The following PCDH15 variants were observed in gnomAD, a reference collection of about 807,000 sequenced individuals.
PCDH15 encodes protocadherin-15.
PCDH15 carries 129 observed loss-of-function variants against 178.5 expected under a neutral mutation model. The observed-to-expected ratio is 0.72, with a 90% CI of 0.63 to 0.84. The LOEUF (loss-of-function observed/expected upper bound fraction) is 0.84. Ranked by LOEUF, PCDH15 falls within the 40% of genes least tolerant of loss-of-function variation. The pLI, the probability that PCDH15 is intolerant of heterozygous loss-of-function variation, is 0.00. For missense variants in PCDH15, 2,230 were observed against 2,099.9 expected (o/e 1.06, Z -1.21); for synonymous variants, 800 against 732.0 (o/e 1.09, Z -1.50).
At chr10:55,494,097 G>A (rs1354265220) in intron 2 of PCDH15, among the ~76,000 whole-genome samples, 2 of 151,324 alleles carry the variant, frequency 1.3e-5, no homozygotes, top group East Asian at 1.9e-4. Flanking sequence ...ATAATCTGCT[G>A]TTGGATAAAA....
At chr10:54,396,627 G>A (rs1355050651) in intron 3 of PCDH15, among the ~76,000 whole-genome samples, 4 of 151,982 alleles carry the variant, frequency 2.6e-5, no homozygotes, top group Non-Finnish European at 5.9e-5. Context: ...TTAAAAATCA[G>A]TCTCTGTGTT....
At chr10:53,950,859 A>G (rs1283430276) in intron 23 of PCDH15, among the ~76,000 whole-genome samples, 1 of 152,234 alleles carries the variant, frequency 6.6e-6, no homozygotes, top group Admixed American at 6.5e-5. Flanking sequence ...TCTAAAATAT[A>G]TAAAGAGATA....
intron 27 of PCDH15, among the ~76,000 whole-genome samples, chr10:53,860,659 A>T (rs1208975516): frequency 7.0e-6 from 1 of 143,052 alleles, no homozygotes; most frequent in Non-Finnish European, 1.5e-5. Flanking sequence ...TGAACCTGGG[A>T]GGCAGAGGTT....
chr10:54,415,820 G>A (rs117805897), intron 3 of PCDH15, among the ~76,000 whole-genome samples: 1 of 151,998 alleles, frequency 6.6e-6, no homozygotes, highest in Non-Finnish European at 1.5e-5. Flanking sequence ...GGGAAATGTT[G>A]TATGATCTCG....
rs930471460 is a variant in PCDH15, at chr10:54,713,443, C to T, written c.-28-49153G>A. 5.3e-5 allele frequency among the ~76,000 whole-genome samples: 8 copies of T among 152,024 alleles called. No individual in the cohort carries two copies. The South Asian group carries it at 8.3e-4, about 16-fold the overall frequency. ...AATATTCTACCTTTCATAGTAGCAC[C>T]GTAGTGTTGTTCAAATTGCAGCTTT... is the stretch of plus-strand genomic sequence containing the variant. On this transcript the variant is annotated intron_variant, in intron 1 of 37. Coordinates refer to ENST00000644397, the MANE Select transcript of PCDH15 (RefSeq NM_001384140.1).
chr10:54,971,832 A>C (rs1334237377), intron 2 of PCDH15, among the ~76,000 whole-genome samples: 4 of 152,232 alleles, frequency 2.6e-5, no homozygotes, highest in Admixed American at 2.6e-4. Flanking sequence ...TCAAGTTTTC[A>C]GTTTAGTATA....
chr10:53,995,610 C>T, intron 21 of PCDH15, 39 bp downstream of exon 21: 1 of 1,613,474 alleles, frequency 6.2e-7, no homozygotes, highest in South Asian at 1.1e-5. Context: ...GGATTTTTCT[C>T]AGTACAGTTC....
At chr10:54,618,682 G>C (rs564969166) in intron 2 of PCDH15, among the ~76,000 whole-genome samples, 22 of 152,022 alleles carry the variant, frequency 1.4e-4, no homozygotes, top group Non-Finnish European at 2.8e-4. Flanking sequence ...ATGCGTGTGT[G>C]GCTATGTGGG....
chr10:55,168,845 T>C (rs1453732281), intron 1 of PCDH15, among the ~76,000 whole-genome samples: 1 of 152,162 alleles, frequency 6.6e-6, no homozygotes, highest in Admixed American at 6.5e-5. Flanking sequence ...GACCAAATTA[T>C]TACTTAAATG....
intron 1 of PCDH15, among the ~76,000 whole-genome samples, chr10:54,740,326 T>C (rs980597605): frequency 1.3e-5 from 2 of 151,862 alleles, no homozygotes; most frequent in Middle Eastern, 3.4e-3. Context: ...CACAATGAAA[T>C]ATCATCTCAC....
rs146951008 is a variant in PCDH15, at chr10:54,229,277, CTT to C, written c.985+7544_985+7545del. Reference sequence around the variant, plus strand: ...TTAATACAATTATTTATAATGTTGACTTATATATAATACAATTAATCATTTTC... The same window carrying C: ...TTAATACAATTATTTATAATGTTGACATATATAATACAATTAATCATTTTC... On this transcript the variant is annotated intron_variant, in intron 9 of 37. Coordinates refer to ENST00000644397, the MANE Select transcript of PCDH15 (RefSeq NM_001384140.1). Among the ~76,000 whole-genome samples the C allele has an allele frequency of 6.1e-3, 927 of 152,122 alleles. 8 individuals are homozygous for C. Among genetic ancestry groups the C allele is most frequent in the African/African-American group, 0.018 (756 of 41,484 alleles).
chr10:55,321,676 G>A (rs1201454134), upstream of PCDH15, among the ~76,000 whole-genome samples: 1 of 152,178 alleles, frequency 6.6e-6, no homozygotes, highest in Admixed American at 6.5e-5. Flanking sequence ...AACCCTATAA[G>A]CAAGAAGAGA....
At chr10:54,174,261 G>A (rs1228202205) in intron 13 of PCDH15, among the ~76,000 whole-genome samples, 3 of 152,090 alleles carry the variant, frequency 2.0e-5, no homozygotes, top group Non-Finnish European at 4.4e-5. Context: ...GGCCGGGCGT[G>A]GTGGCTCACA....
chr10:55,044,740 T>C (rs1004654793), intron 2 of PCDH15, among the ~76,000 whole-genome samples: 1 of 152,122 alleles, frequency 6.6e-6, no homozygotes, highest in Non-Finnish European at 1.5e-5. Flanking sequence ...AAAAAATTCC[T>C]AGTATAAGTT....
chr10:54,857,628 T>TC (rs1591746396), intron 3 of PCDH15, among the ~76,000 whole-genome samples: 1 of 151,590 alleles, frequency 6.6e-6, no homozygotes, highest in Non-Finnish European at 1.5e-5. Context: ...TTTTCTTTTT[T>TC]TTTTTTTAGA....
intron 2 of PCDH15, among the ~76,000 whole-genome samples, chr10:55,476,540 A>G (rs1361652084): frequency 1.3e-5 from 2 of 152,084 alleles, no homozygotes; most frequent in African/African-American, 4.8e-5. Context: ...GTTGCCATGC[A>G]TATAAAATAT....
At position 54,710,522 on chromosome 10, in the gene PCDH15, G is replaced by C. The variant is rs570345594; in HGVS notation, c.-28-46232C>G. Among the ~76,000 whole-genome samples the C allele has an allele frequency of 2.6e-5, 4 of 151,920 alleles. No homozygotes were observed. In the East Asian group the frequency reaches 7.7e-4, roughly 29 times the overall value. On this transcript the variant is annotated intron_variant, in intron 1 of 37. Coordinates refer to ENST00000644397, the MANE Select transcript of PCDH15 (RefSeq NM_001384140.1). ...TTATTAGCCTATTTATTTTCTACTG[G>C]CTGCTGCAGAAAATAAACACCTCTA...
intron 3 of PCDH15, among the ~76,000 whole-genome samples, chr10:54,470,927 A>C (rs764935929): frequency 6.6e-6 from 1 of 151,970 alleles, no homozygotes; most frequent in Non-Finnish European, 1.5e-5. Flanking sequence ...TCATCTCTTT[A>C]TTCACTGATC....
At chr10:55,210,679 A>T (rs1840545863) in intron 1 of PCDH15, among the ~76,000 whole-genome samples, 1 of 111,316 alleles carries the variant, frequency 9.0e-6, no homozygotes, top group African/African-American at 3.6e-5. Flanking sequence ...GCCAGGCTGG[A>T]GTGTAGTGGC....
Sources: allele counts gnomAD v4.1 joint callset (sites outside exome capture counted in the v4.1 genomes callset), GRCh38; gene constraint gnomAD v4.1.1; transcripts MANE v1.5; gene names NCBI Gene and HGNC (gene_info 2026-07-23, HGNC 2026-07-21).